IFNA4: variants seen among roughly 807,000 people sequenced by gnomAD.
IFNA4 encodes the protein interferon alpha-4.
For synonymous variants in IFNA4, 84 were observed against 86.0 expected, an observed-to-expected ratio of 0.98 and a Z score of 0.13; for missense variants, 225 against 214.9, an observed-to-expected ratio of 1.05 and a Z score of -0.29.
exon 1 of IFNA4, chr9:21,187,448 C>A: frequency 6.2e-7 from 1 of 1,614,172 alleles, no homozygotes; most frequent in Non-Finnish European, 8.5e-7. Flanking sequence ...GGCTGTGGGT[C>A]TGAGGCAGAT....
At chr9:21,186,709 TA>T (rs1450354802) in exon 1 of IFNA4, 14 of 230,270 alleles carry the variant, frequency 6.1e-5, no homozygotes, top group African/African-American at 9.2e-5. Context: ...TGATATCACA[TA>T]AAAAATAATT....
At position 21,186,775 on chromosome 9, in the gene IFNA4, A is replaced by G. The variant is rs990724235; in HGVS notation, c.*187T>C. The G allele has an allele frequency of 1.1e-5, 7 of 661,312 alleles. No individual in the cohort carries two copies. In the African/African-American group the frequency reaches 1.1e-4, roughly 10 times the overall value. 41.0% of individuals were successfully genotyped at this position (661,312 alleles called of 1,614,324 possible). The stretch of plus-strand genomic sequence containing the variant: ...TAAATAGATGAACAGAGACATCAGC[A>G]TTGTCATCTGTAAAGGACTAGTGCC... On this transcript the variant is annotated 3_prime_UTR_variant, in exon 1 of 1. Coordinates refer to ENST00000421715, the Ensembl canonical transcript of IFNA4.
exon 1 of IFNA4, chr9:21,187,085 T>C: frequency 1.2e-6 from 2 of 1,614,128 alleles, no homozygotes; most frequent in Non-Finnish European, 1.7e-6. Flanking sequence ...AAAGAGTGAT[T>C]CTTTGGAAGT....
exon 1 of IFNA4, chr9:21,186,813 C>G: frequency 2.3e-6 from 3 of 1,298,722 alleles, no homozygotes; most frequent in Non-Finnish European, 3.2e-6. Flanking sequence ...CACAGGTATA[C>G]ACCAAGCTTC....
chr9:21,186,906 G>A, exon 1 of IFNA4: 5 of 1,599,872 alleles, frequency 3.1e-6, no homozygotes, highest in Non-Finnish European at 4.3e-6. Context: ...AAGAACTCAT[G>A]AAAGTGTGAG....
In IFNA4 at chr9:21,187,266, T is replaced by C. The variant is rs1817919630; in HGVS notation, c.266A>G (p.Asn89Ser). Residue 89 changes from asparagine to serine, a missense_variant, in exon 1 of 1, where the codon AAT becomes AGT. Transcript: ENST00000421715. Reference sequence around the variant, plus strand: ...AGATGAGTCCTCTGTGCTGAAGAGATTGAAGGTCTGCTGGATCATCTCATG... The same window carrying C: ...AGATGAGTCCTCTGTGCTGAAGAGACTGAAGGTCTGCTGGATCATCTCATG... 12 of 1,610,222 alleles carry C rather than the reference T, an allele frequency of 7.5e-6. No individual in the cohort carries two copies. The highest frequency in any genetic ancestry group is 5.5e-5 in the South Asian group (5 of 90,402).
At chr9:21,186,703 A>G (rs1817905848) in exon 1 of IFNA4, 1 of 212,578 alleles carries the variant, frequency 4.7e-6, no homozygotes, top group Non-Finnish European at 9.1e-6. Flanking sequence ...TACTCATGAT[A>G]TCACATAAAA....
chr9:21,187,228 G>T, exon 1 of IFNA4: 1 of 1,612,730 alleles, frequency 6.2e-7, no homozygotes, highest in East Asian at 2.2e-5. Flanking sequence ...AGGAGGCTCT[G>T]TTCCCAAGCA....
exon 1 of IFNA4, chr9:21,187,290 T>G (rs373589005): frequency 9.9e-6 from 16 of 1,613,498 alleles, no homozygotes; most frequent in Non-Finnish European, 1.3e-5. Flanking sequence ...GATCATCTCA[T>G]GGAGGACAGA....
exon 1 of IFNA4, chr9:21,187,080 G>C (rs779334761): frequency 6.2e-7 from 1 of 1,614,032 alleles, no homozygotes; most frequent in East Asian, 2.2e-5. Context: ...TAGATAAAGA[G>C]TGATTCTTTG....
At chr9:21,186,679 C>G (rs891416387), downstream of IFNA4, 4 of 180,616 alleles carry the variant, frequency 2.2e-5, no homozygotes, top group Non-Finnish European at 4.6e-5. Context: ...GTTACATTCA[C>G]CACAATGTAA....
chr9:21,187,446 G>T, exon 1 of IFNA4: 1 of 1,614,170 alleles, frequency 6.2e-7, no homozygotes, highest in South Asian at 1.1e-5. Context: ...CAGGCTGTGG[G>T]TCTGAGGCAG....
exon 1 of IFNA4, chr9:21,187,201 C>T: frequency 6.2e-7 from 1 of 1,612,866 alleles, no homozygotes; most frequent in Admixed American, 1.7e-5. Flanking sequence ...TGGTAAAGTT[C>T]AGTGGAAAAT....
Position 21,187,010 on chromosome 9 carries a change from G to A in IFNA4, c.522C>T (p.Ser174=), listed in dbSNP as rs774648984. The change falls in exon 1 of 1, where the codon TCC becomes TCT. Residue 174 remains serine (S), a synonymous_variant. Coordinates refer to ENST00000421715, the Ensembl canonical transcript of IFNA4. ...TTTGCAAGTTTGTTGAAAACGAGAG[G>A]GATCTCATGATTTCTGCTCTGACAA... 8 of 1,613,958 alleles carry A rather than the reference G, an allele frequency of 5.0e-6. No individual in the cohort carries two copies. The East Asian group carries it at 6.7e-5, about 13-fold the overall frequency.
chr9:21,187,081 T>G lies in IFNA4; in HGVS notation c.451A>C (p.Thr151Pro), dbSNP rs748374109. The change falls in exon 1 of 1, where the codon ACT (threonine) becomes CCT (proline). Residue 151 changes from threonine to proline, a missense_variant. Thr to Pro is a conservative substitution (Grantham distance 38, BLOSUM62 -1). Transcript: ENST00000421715. ...TATTTCTTCTCTGTTAGATAAAGAG[T>G]GATTCTTTGGAAGTATTTCCTCACA... 77 of 1,613,866 alleles carry G rather than the reference T, an allele frequency of 4.8e-5. No homozygotes were observed. The highest frequency in any genetic ancestry group is 2.5e-4 in the Admixed American group (15 of 59,984).
In IFNA4 at chr9:21,187,391, G is replaced by A. The variant is rs1008510966; in HGVS notation, c.141C>T (p.Ile47=). 6.2e-7 allele frequency: 1 copy of A among 1,614,070 alleles called. No homozygotes were observed. Among genetic ancestry groups the A allele is most frequent in the African/African-American group, 1.3e-5 (1 of 74,928 alleles). Residue 47 remains isoleucine (I), a synonymous_variant, in exon 1 of 1, where the codon ATC becomes ATT. Transcript: ENST00000421715. The stretch of plus-strand genomic sequence containing the variant: ...TGTCCTTCAGGCAGGAGAAATGAGA[G>A]ATTCTTCCCATTTGTGCCAGGAGTA...
At position 21,187,286 on chromosome 9, in the gene IFNA4, C is replaced by T. The variant is rs779928391; in HGVS notation, c.246G>A (p.Glu82=). 51 of 1,613,416 alleles carry T rather than the reference C, an allele frequency of 3.2e-5. No homozygotes were observed. The South Asian group carries it at 4.8e-4, about 15-fold the overall frequency. The change falls in exon 1 of 1, where the codon GAG becomes GAA. Residue 82 remains glutamate, a synonymous_variant. Transcript: ENST00000421715. ...AGAGATTGAAGGTCTGCTGGATCAT[C>T]TCATGGAGGACAGAGATGGCTTGAG... is the stretch of plus-strand genomic sequence containing the variant.
At chr9:21,186,774 C>A (rs1409619101) in exon 1 of IFNA4, 7 of 645,898 alleles carry the variant, frequency 1.1e-5, no homozygotes, top group East Asian at 3.0e-5. Context: ...GAGACATCAG[C>A]ATTGTCATCT....
At chr9:21,187,363 G>C (rs144166492) in exon 1 of IFNA4, 1 of 1,614,180 alleles carries the variant, frequency 6.2e-7, no homozygotes, top group South Asian at 1.1e-5. Flanking sequence ...CCGAAATCAT[G>C]TCTGTCCTTC....
Sources: allele counts gnomAD v4.1 joint callset, GRCh38; gene constraint gnomAD v4.1.1; transcripts MANE v1.5; gene names NCBI Gene and HGNC (gene_info 2026-07-23, HGNC 2026-07-21).